The following GTF2F2 variants were observed in gnomAD, a reference collection of about 807,000 sequenced individuals.
GTF2F2 encodes general transcription factor IIF subunit 2, also known as ATP-dependent helicase GTF2F2.
Under a neutral mutation model 42.2 loss-of-function variants are expected in GTF2F2, and 23 were observed. The observed-to-expected ratio is 0.55, with a 90% CI of 0.39 to 0.77. The LOEUF is 0.77. Ranked by LOEUF, GTF2F2 falls within the 30% of genes least tolerant of loss-of-function variation. GTF2F2 has a pLI of 0.00. For synonymous variants in GTF2F2, 105 were observed against 100.8 expected (o/e 1.04, Z -0.25); for missense variants, 261 against 287.2 (o/e 0.91, Z 0.66).
chr13:45,267,290 C>T lies in GTF2F2; in HGVS notation c.544C>T (p.His182Tyr), dbSNP rs773823155. ...AAAGCGAGCTCGAGCTGATAAACAA[C>T]ATGTTTTAGACATGCTATTTTCAGC... ...DGKRARADKQ[H>Y]VLDMLFSAFE... Residue 182 changes from histidine (H) to tyrosine (Y), a missense_variant, in exon 7 of 8, where the codon CAT becomes TAT. Transcript: ENST00000340473. 3 of 1,611,108 alleles carry T rather than the reference C, an allele frequency of 1.9e-6. No homozygotes were observed. Among genetic ancestry groups the T allele is most frequent in the East Asian group, 2.2e-5 (1 of 44,850 alleles).
chr13:45,199,594 A>C (rs1593487147), intron 4 of GTF2F2, among the ~76,000 whole-genome samples: 2 of 152,216 alleles, frequency 1.3e-5, no homozygotes, highest in Admixed American at 6.5e-5. Flanking sequence ...CATAGCACTT[A>C]TGTAAGCCAT....
chr13:45,280,725 A>G (rs1877227085), intron 7 of GTF2F2, among the ~76,000 whole-genome samples: 1 of 152,200 alleles, frequency 6.6e-6, no homozygotes, highest in Admixed American at 6.5e-5. Context: ...TACACTTCAG[A>G]CTTTATTAAT....
rs372130618 is a variant in GTF2F2, at chr13:45,283,591, C to T, written c.*30C>T. ...ACTCCTAGCCAGCATGCTAGTGAAA[C>T]GACTAGCAGCGATGCTATGCAAAAG... is the stretch of plus-strand genomic sequence containing the variant. On this transcript the variant is annotated 3_prime_UTR_variant, in exon 8 of 8. Coordinates refer to ENST00000340473, the MANE Select transcript of GTF2F2 (RefSeq NM_004128.3). 9.0e-6 allele frequency: 14 copies of T among 1,561,386 alleles called. No homozygotes were observed. Among genetic ancestry groups the T allele is most frequent in the Middle Eastern group, 3.4e-4 (2 of 5,842 alleles).
At chr13:45,259,246 G>T (rs1876231556) in intron 6 of GTF2F2, among the ~76,000 whole-genome samples, 1 of 152,104 alleles carries the variant, frequency 6.6e-6, no homozygotes, top group Admixed American at 6.6e-5. Flanking sequence ...GACCAACCTG[G>T]TAAAACCCCG....
At chr13:45,204,302 T>C (rs1369407042) in intron 4 of GTF2F2, among the ~76,000 whole-genome samples, 1 of 152,236 alleles carries the variant, frequency 6.6e-6, no homozygotes, top group Non-Finnish European at 1.5e-5. Context: ...AAGTCTACGC[T>C]CCTTGAGGGT....
At chr13:45,132,092 A>G (rs1360220839) in intron 1 of GTF2F2, among the ~76,000 whole-genome samples, 2 of 152,190 alleles carry the variant, frequency 1.3e-5, no homozygotes, top group African/African-American at 2.4e-5. Context: ...GATGATTAAT[A>G]TATTTACAGC....
chr13:45,234,292 A>G (rs756540869), intron 5 of GTF2F2, among the ~76,000 whole-genome samples: 55 of 152,226 alleles, frequency 3.6e-4, no homozygotes, highest in Non-Finnish European at 6.3e-4. Flanking sequence ...TAGTTTTTAT[A>G]GGATATAAAA....
intron 6 of GTF2F2, among the ~76,000 whole-genome samples, chr13:45,260,050 T>C (rs995739136): frequency 2.0e-4 from 30 of 151,948 alleles, no homozygotes; most frequent in African/African-American, 6.3e-4. Context: ...TGTGCTCAGA[T>C]GGGTAAGAGA....
At chr13:45,169,280 A>G (rs1871476289) in intron 4 of GTF2F2, among the ~76,000 whole-genome samples, 2 of 152,156 alleles carry the variant, frequency 1.3e-5, no homozygotes, top group Admixed American at 6.6e-5. Context: ...TGGTGTCCTT[A>G]TAAGAAAAGG....
chr13:45,122,257 ATATT>A (rs1868679896), intron 1 of GTF2F2, among the ~76,000 whole-genome samples: 1 of 151,914 alleles, frequency 6.6e-6, no homozygotes, highest in African/African-American at 2.4e-5. Context: ...GAGATGCCAG[ATATT>A]TATTCAGGAA....
intron 6 of GTF2F2, among the ~76,000 whole-genome samples, chr13:45,264,251 T>A (rs970726031): frequency 1.4e-4 from 21 of 151,856 alleles, no homozygotes; most frequent in South Asian, 8.3e-4. Flanking sequence ...ACCAAGATTT[T>A]TTTTTTATTT....
chr13:45,229,565 G>A (rs1004502417), intron 5 of GTF2F2, among the ~76,000 whole-genome samples: 4 of 152,002 alleles, frequency 2.6e-5, no homozygotes, highest in African/African-American at 7.3e-5. Context: ...GTATAAATAT[G>A]TATTAATATT....
chr13:45,177,739 G>A (rs1566124376), intron 4 of GTF2F2, among the ~76,000 whole-genome samples: 1 of 152,110 alleles, frequency 6.6e-6, no homozygotes, highest in Non-Finnish European at 1.5e-5. Flanking sequence ...AATAAGGAAA[G>A]GAAAATATAT....
intron 7 of GTF2F2, among the ~76,000 whole-genome samples, chr13:45,273,655 AT>A (rs773254844): frequency 0.023 from 2,836 of 123,842 alleles, 163 homozygotes; most frequent in African/African-American, 0.081. Context: ...GAGTGGTAAA[AT>A]TTTTTTTTTT....
At chr13:45,184,131 A>G (rs972087468) in intron 4 of GTF2F2, among the ~76,000 whole-genome samples, 1 of 152,022 alleles carries the variant, frequency 6.6e-6, no homozygotes, top group African/African-American at 2.4e-5. Flanking sequence ...GAGCGACTGC[A>G]CCTGGCCTCT....
At chr13:45,194,624 G>A (rs9534059) in intron 4 of GTF2F2, 302,597 of 1,475,338 alleles carry the variant, frequency 0.21, 32,635 homozygotes, top group African/African-American at 0.23. Flanking sequence ...TTTAAAAAGA[G>A]ACACTACCAC....
intron 6 of GTF2F2, among the ~76,000 whole-genome samples, chr13:45,258,089 AAC>A (rs2138253677): frequency 6.6e-6 from 1 of 152,296 alleles, no homozygotes; most frequent in South Asian, 2.1e-4. Flanking sequence ...TGAGGTGACA[AAC>A]AGTGATGATG....
chr13:45,175,568 G>A (rs1871835734), intron 4 of GTF2F2, among the ~76,000 whole-genome samples: 1 of 152,104 alleles, frequency 6.6e-6, no homozygotes, highest in Non-Finnish European at 1.5e-5. Flanking sequence ...ATCAGTATCT[G>A]TATCCAAATA....
At chr13:45,280,977 G>C (rs1232001023) in intron 7 of GTF2F2, among the ~76,000 whole-genome samples, 1 of 152,156 alleles carries the variant, frequency 6.6e-6, no homozygotes, top group African/African-American at 2.4e-5. Flanking sequence ...GTCATTCTTG[G>C]CACCTAAACA....
Sources: allele counts gnomAD v4.1 joint callset (sites outside exome capture counted in the v4.1 genomes callset), GRCh38; gene constraint gnomAD v4.1.1; transcripts MANE v1.5; gene names NCBI Gene and HGNC (gene_info 2026-07-23, HGNC 2026-07-21).